The following VDAC1 variants were observed in gnomAD, a reference collection of about 807,000 sequenced individuals.
VDAC1 encodes the protein voltage dependent anion channel 1.
Under a neutral mutation model 34.7 loss-of-function variants are expected in VDAC1, and 10 were observed. The ratio of observed to expected loss-of-function variants is 0.29; its 90% CI spans 0.18 to 0.49. The LOEUF (loss-of-function observed/expected upper bound fraction) is 0.49, where lower values mean the gene tolerates loss of function less well. Ranked by LOEUF, VDAC1 falls within the 20% of genes least tolerant of loss-of-function variation. The pLI is 0.99. For missense variants in VDAC1, 230 were observed against 347.9 expected, an observed-to-expected ratio of 0.66 and a Z score of 2.69; for synonymous variants, 130 against 136.0, an observed-to-expected ratio of 0.96 and a Z score of 0.30.
At chr5:134,025,792 C>T in the VDAC1 span, among the ~76,000 whole-genome samples, 1 of 151,718 alleles carries the variant, frequency 6.6e-6, no homozygotes, top group South Asian at 2.1e-4. Context: ...AATAGGGTCT[C>T]ACTATTTTAC....
chr5:133,996,974 G>T (rs140278506), intron 1 of VDAC1, among the ~76,000 whole-genome samples: 3 of 152,258 alleles, frequency 2.0e-5, no homozygotes, highest in Non-Finnish European at 2.9e-5. Flanking sequence ...GCCATCAGAA[G>T]CACTGGTTGC....
At chr5:133,999,618 T>C (rs1753463757) in intron 1 of VDAC1, among the ~76,000 whole-genome samples, 1 of 152,094 alleles carries the variant, frequency 6.6e-6, no homozygotes, top group Admixed American at 6.6e-5. Flanking sequence ...CCTGCTAGGC[T>C]TCAGATGGGC....
chr5:134,080,176 C>T, the VDAC1 span, among the ~76,000 whole-genome samples: 2 of 152,226 alleles, frequency 1.3e-5, no homozygotes, highest in Admixed American at 6.5e-5. Flanking sequence ...CATTTGCCCT[C>T]GATAAGAACC....
chr5:134,039,360 C>A, the VDAC1 span, among the ~76,000 whole-genome samples: 1 of 152,042 alleles, frequency 6.6e-6, no homozygotes, highest in African/African-American at 2.4e-5. Context: ...ACGGAGTCTC[C>A]CTCTGTCGCC....
intron 5 of VDAC1, chr5:133,989,211 C>G (rs987367389): frequency 6.6e-6 from 1 of 152,124 alleles, no homozygotes; most frequent in Admixed American, 6.5e-5. Flanking sequence ...CAGCACAGGT[C>G]TGCACTTGGT....
At chr5:134,073,201 AG>A in the VDAC1 span, among the ~76,000 whole-genome samples, 1 of 152,128 alleles carries the variant, frequency 6.6e-6, no homozygotes, top group Non-Finnish European at 1.5e-5. Context: ...TAGTAGAGGG[AG>A]GGGCCCAAGA....
At chr5:134,044,621 A>AGCT in the VDAC1 span, among the ~76,000 whole-genome samples, 1 of 84,272 alleles carries the variant, frequency 1.2e-5, no homozygotes, top group Non-Finnish European at 3.1e-5. Context: ...GTGTGCACAT[A>AGCT]ACTGTGTGTG....
chr5:134,039,338 A>AT, the VDAC1 span, among the ~76,000 whole-genome samples: 7 of 151,354 alleles, frequency 4.6e-5, no homozygotes, highest in South Asian at 2.1e-4. Flanking sequence ...TATTTTTTTT[A>AT]TTTTTTTTGA....
chr5:134,013,912 A>T, the VDAC1 span, among the ~76,000 whole-genome samples: 1 of 152,050 alleles, frequency 6.6e-6, no homozygotes, highest in African/African-American at 2.4e-5. Flanking sequence ...ACTGCACTCC[A>T]GCCTGGGTGA....
At chr5:134,101,987 C>T in the VDAC1 span, among the ~76,000 whole-genome samples, 4 of 152,222 alleles carry the variant, frequency 2.6e-5, no homozygotes, top group Admixed American at 6.5e-5. Context: ...AGAACGCTGT[C>T]GCAGCTCCCT....
chr5:134,032,653 G>T, the VDAC1 span, among the ~76,000 whole-genome samples: 8 of 152,166 alleles, frequency 5.3e-5, no homozygotes, highest in African/African-American at 1.7e-4. Flanking sequence ...AATACAAATT[G>T]ATTCCCAAGA....
chr5:134,086,182 C>T, the VDAC1 span, among the ~76,000 whole-genome samples: 5 of 152,108 alleles, frequency 3.3e-5, no homozygotes, highest in Admixed American at 6.5e-5. Flanking sequence ...GGCAACAGAG[C>T]AAGACTCTGT....
the VDAC1 span, among the ~76,000 whole-genome samples, chr5:134,069,463 C>A: frequency 2.0e-5 from 3 of 152,096 alleles, no homozygotes; most frequent in African/African-American, 7.2e-5. Context: ...GGGGTCTCTC[C>A]CATAGCCAGC....
the VDAC1 span, among the ~76,000 whole-genome samples, chr5:134,050,753 T>C: frequency 3.5e-4 from 53 of 152,274 alleles, no homozygotes; most frequent in African/African-American, 1.3e-3. Context: ...TAAAAACATG[T>C]CAAATTGGAG....
intron 1 of VDAC1, chr5:134,004,435 C>T (rs1753681269): frequency 6.6e-6 from 1 of 152,512 alleles, no homozygotes; most frequent in South Asian, 2.1e-4. Flanking sequence ...CGCTCCCCAG[C>T]CCAGACCTGT....
At chr5:133,973,139 T>C (rs908395981) in intron 8 of VDAC1, among the ~76,000 whole-genome samples, 2 of 152,206 alleles carry the variant, frequency 1.3e-5, no homozygotes, top group South Asian at 4.1e-4. Flanking sequence ...CCTGGTACAA[T>C]TAGTCTATAG....
At chr5:133,973,760 A>T in intron 8 of VDAC1, 31 bp downstream of exon 8, 1 of 1,602,522 alleles carries the variant, frequency 6.2e-7, no homozygotes, top group South Asian at 1.1e-5. Context: ...TTTAAGATAA[A>T]GAACCGATTT....
chr5:134,110,707 C>A, the VDAC1 span, among the ~76,000 whole-genome samples: 1 of 152,218 alleles, frequency 6.6e-6, no homozygotes, highest in African/African-American at 2.4e-5. Context: ...CAGGAAGAGA[C>A]GCCGCTCACA....
intron 7 of VDAC1, among the ~76,000 whole-genome samples, chr5:133,974,954 C>CAA (rs71842808): frequency 1.6e-5 from 2 of 122,892 alleles, no homozygotes; most frequent in African/African-American, 3.2e-5. Context: ...GACTCCGTCT[C>CAA]AAAAAAAAAA....
Sources: gnomAD v4.1 joint callset for allele counts (sites outside exome capture counted in the v4.1 genomes callset) on GRCh38, gnomAD v4.1.1 for gene constraint, MANE v1.5 for transcripts, NCBI Gene and HGNC (gene_info 2026-07-23, HGNC 2026-07-21) for gene names.